NEK1: variants seen among roughly 807,000 people sequenced by gnomAD.
NEK1 encodes serine/threonine-protein kinase Nek1.
A neutral mutation model predicts 182.1 loss-of-function variants in NEK1; 137 were observed. The ratio of observed to expected loss-of-function variants is 0.75; its 90% CI spans 0.65 to 0.87. The LOEUF is 0.87. Ranked by LOEUF, NEK1 falls within the 40% of genes least tolerant of loss-of-function variation. The pLI is 0.00. For synonymous variants in NEK1, 513 were observed against 492.2 expected, an observed-to-expected ratio of 1.04 and a Z score of -0.56; for missense variants, 1,391 against 1,494.4, an observed-to-expected ratio of 0.93 and a Z score of 1.14.
chr4:169,447,737 C>T (rs181518529), intron 27 of NEK1, among the ~76,000 whole-genome samples: 316 of 152,168 alleles, frequency 2.1e-3, no homozygotes, highest in Middle Eastern at 3.4e-3. Context: ...GGTGTGGTGG[C>T]ACACACCTGT....
chr4:169,555,510 G>C (rs1762034739), intron 18 of NEK1: 1 of 557,634 alleles, frequency 1.8e-6, no homozygotes, highest in Non-Finnish European at 3.2e-6. Flanking sequence ...CCACAAACAA[G>C]ACACAAAAAT....
intron 2 of NEK1, among the ~76,000 whole-genome samples, chr4:169,607,132 C>CA (rs1180739427): frequency 1.3e-5 from 2 of 152,222 alleles, no homozygotes; most frequent in African/African-American, 4.8e-5. Context: ...CTCATCCTAA[C>CA]AAAGCCTAAA....
chr4:169,579,550 G>A (rs535105601), intron 11 of NEK1, among the ~76,000 whole-genome samples: 16 of 152,184 alleles, frequency 1.1e-4, no homozygotes, highest in Admixed American at 5.2e-4. Flanking sequence ...CAGCACTTTC[G>A]GAGGCCAAGG....
intron 27 of NEK1, among the ~76,000 whole-genome samples, chr4:169,442,928 G>C (rs1003107220): frequency 9.2e-5 from 14 of 152,104 alleles, no homozygotes; most frequent in Admixed American, 5.9e-4. Context: ...GCCATAGCTA[G>C]TCTGGAAGAT....
intron 29 of NEK1, among the ~76,000 whole-genome samples, chr4:169,427,940 T>C (rs571056173): frequency 6.6e-6 from 1 of 151,806 alleles, no homozygotes; most frequent in East Asian, 1.9e-4. Flanking sequence ...TCCTCCCACC[T>C]CAGTCTCCCA....
chr4:169,546,712 C>T (rs546020567), intron 18 of NEK1, among the ~76,000 whole-genome samples: 1 of 152,296 alleles, frequency 6.6e-6, no homozygotes, highest in South Asian at 2.1e-4. Flanking sequence ...TTGCATTGAT[C>T]CCTTTACCAT....
At chr4:169,436,056 A>G (rs1214007046) in intron 28 of NEK1, among the ~76,000 whole-genome samples, 3 of 152,044 alleles carry the variant, frequency 2.0e-5, no homozygotes, top group Non-Finnish European at 4.4e-5. Context: ...GGCATGCACC[A>G]CCACATGTGA....
At chr4:169,502,992 C>A (rs1403255348) in intron 23 of NEK1, among the ~76,000 whole-genome samples, 1 of 152,070 alleles carries the variant, frequency 6.6e-6, no homozygotes, top group Non-Finnish European at 1.5e-5. Flanking sequence ...AACAATTCCA[C>A]CATGACTCCT....
intron 5 of NEK1, among the ~76,000 whole-genome samples, chr4:169,598,845 G>A (rs1311243554): frequency 6.6e-6 from 1 of 152,108 alleles, no homozygotes; most frequent in Non-Finnish European, 1.5e-5. Context: ...AATAATTAAG[G>A]CATATACATA....
chr4:169,396,627 G>T (rs1392722898), intron 35 of NEK1, among the ~76,000 whole-genome samples: 1 of 152,108 alleles, frequency 6.6e-6, no homozygotes, highest in Non-Finnish European at 1.5e-5. Context: ...TGAAGATATT[G>T]ACGCTTACCA....
At chr4:169,598,207 A>T (rs1769885778) in intron 5 of NEK1, among the ~76,000 whole-genome samples, 1 of 152,156 alleles carries the variant, frequency 6.6e-6, no homozygotes, top group Non-Finnish European at 1.5e-5. Context: ...TGACTATGTG[A>T]TTTGGGGCAA....
chr4:169,476,980 T>C, intron 26 of NEK1, 144 bp downstream of exon 26: 1 of 559,898 alleles, frequency 1.8e-6, no homozygotes, highest in Non-Finnish European at 3.0e-6. Context: ...AGGGAGGCAC[T>C]TCTATTCGCC....
At chr4:169,476,707 G>A (rs377572482) in intron 26 of NEK1, among the ~76,000 whole-genome samples, 4 of 151,952 alleles carry the variant, frequency 2.6e-5, no homozygotes, top group Non-Finnish European at 5.9e-5. Flanking sequence ...AATTATCACC[G>A]AATATATAAA....
Position 169,531,890 on chromosome 4 carries a change from G to A in NEK1, c.1665+5919C>T, listed in dbSNP as rs1054423081. ...CATCTATTTTGGAAACAACACAAAT[G>A]TTCATCAACAGAGAAATTGAACAAA... On this transcript the variant is annotated intron_variant, in intron 19 of 35. Transcript: ENST00000507142. Among the ~76,000 whole-genome samples the A allele has an allele frequency of 7.9e-5, 12 of 152,166 alleles. 1 individual carries two copies. Among genetic ancestry groups the A allele is most frequent in the African/African-American group, 2.9e-4 (12 of 41,428 alleles).
intron 11 of NEK1, 142 bp from the exon 12 acceptor site, chr4:169,577,221 C>T: frequency 1.2e-6 from 1 of 858,188 alleles, no homozygotes; most frequent in Non-Finnish European, 1.7e-6. Flanking sequence ...TAATTCATCC[C>T]TTAGTATTTA....
At chr4:169,496,417 C>T (rs1199854742) in intron 23 of NEK1, among the ~76,000 whole-genome samples, 1 of 150,896 alleles carries the variant, frequency 6.6e-6, no homozygotes, top group Non-Finnish European at 1.5e-5. Context: ...CCTGATTGCC[C>T]TGGCCAGAAC....
chr4:169,599,465 A>T (rs1216606627), intron 4 of NEK1, among the ~76,000 whole-genome samples: 1 of 152,216 alleles, frequency 6.6e-6, no homozygotes, highest in Non-Finnish European at 1.5e-5. Context: ...AACATCTCTG[A>T]AATATAAACA....
intron 27 of NEK1, 25 bp from the exon 28 acceptor site, chr4:169,438,284 C>G: frequency 6.7e-7 from 1 of 1,502,404 alleles, no homozygotes; most frequent in African/African-American, 1.4e-5. Flanking sequence ...AATAAAAAAT[C>G]ATGCTAGTTC....
At chr4:169,569,259 G>GT (rs1267108759) in intron 12 of NEK1, among the ~76,000 whole-genome samples, 2 of 152,048 alleles carry the variant, frequency 1.3e-5, no homozygotes, top group South Asian at 2.1e-4. Context: ...ACCTGAAGTA[G>GT]TTTTTTTACA....
Sources: gnomAD v4.1 joint callset for allele counts (sites outside exome capture counted in the v4.1 genomes callset) on GRCh38, gnomAD v4.1.1 for gene constraint, MANE v1.5 for transcripts, NCBI Gene and HGNC (gene_info 2026-07-23, HGNC 2026-07-21) for gene names.